The following NLRP2 variants were observed in gnomAD, a reference collection of about 807,000 sequenced individuals.
NLRP2 encodes the protein NACHT, LRR and PYD domains-containing protein 2.
A neutral mutation model predicts 97.2 loss-of-function variants in NLRP2; 107 were observed. That is an observed-to-expected ratio of 1.10 (90% CI 0.94 to 1.29). NLRP2 has a LOEUF of 1.29. NLRP2 is among the 50% of genes most tolerant of loss of function. The pLI, the probability that NLRP2 is intolerant of heterozygous loss-of-function variation, is 0.00. For missense variants in NLRP2, 1,495 were observed against 1,330.3 expected (o/e 1.12, Z -1.93); for synonymous variants, 663 against 551.5 (o/e 1.20, Z -2.83).
chr19:54,996,507 T>C (rs2072832714), intron 11 of NLRP2, among the ~76,000 whole-genome samples: 1 of 152,094 alleles, frequency 6.6e-6, no homozygotes, highest in Non-Finnish European at 1.5e-5. Context: ...TCTCAAAGAA[T>C]AACTTCAAAG....
chr19:54,982,202 C>T lies in NLRP2; in HGVS notation c.504C>T (p.Phe168=). Residue 168 remains phenylalanine (F), a synonymous_variant, in exon 6 of 13, where the codon TTC becomes TTT. Transcript: ENST00000448584. ...NRCRYILKTK[F]REMWKSWPGD... is the part of the protein sequence containing the mutation. ...GCAGGTATATATTGAAGACGAAGTTCCGGGAGATGTGGAAGAGCTGGCCTG... is the reference window on the plus strand; with the variant it reads ...GCAGGTATATATTGAAGACGAAGTTTCGGGAGATGTGGAAGAGCTGGCCTG... 1 of 1,614,086 alleles carries T rather than the reference C, an allele frequency of 6.2e-7. No homozygotes were observed. Among genetic ancestry groups the T allele is most frequent in the South Asian group, 1.1e-5 (1 of 91,086 alleles).
In NLRP2 at chr19:54,981,606, G is replaced by T; in HGVS notation, c.398-11G>T. The T allele has an allele frequency of 6.9e-7, 1 of 1,445,150 alleles. No individual in the cohort carries two copies. Among genetic ancestry groups the T allele is most frequent in the Non-Finnish European group, 9.4e-7 (1 of 1,061,228 alleles). The allele number at this position is 1,445,150 out of a possible 1,614,324, so 89.5% of individuals were successfully genotyped here. ...TTTTGTGTCAATCTCACATGAGTTTGTATTTTGTAGCGTTTACAGAAACGA... is the reference window on the plus strand; with the variant it reads ...TTTTGTGTCAATCTCACATGAGTTTTTATTTTGTAGCGTTTACAGAAACGA... On this transcript the variant is annotated splice_polypyrimidine_tract_variant and intron_variant, in intron 4 of 12. Coordinates refer to ENST00000448584, the MANE Select transcript of NLRP2 (RefSeq NM_017852.5).
At chr19:54,994,206 G>GTGC (rs1308917769) in intron 10 of NLRP2, 63 bp from the exon 11 acceptor site, 2 of 1,549,480 alleles carry the variant, frequency 1.3e-6, no homozygotes, top group African/African-American at 2.7e-5. Flanking sequence ...AGAGTCAAAG[G>GTGC]TGCATCACAG....
intron 11 of NLRP2, among the ~76,000 whole-genome samples, chr19:54,996,293 G>C (rs575063687): frequency 5.3e-5 from 8 of 152,122 alleles, no homozygotes; most frequent in Admixed American, 1.3e-4. Context: ...CTAAGGTCAG[G>C]AGTTCGTAGA....
In NLRP2 at chr19:54,990,614, G is replaced by A; in HGVS notation, c.2650G>A (p.Gly884Arg). The A allele has an allele frequency of 6.2e-7, 1 of 1,614,190 alleles. No individual in the cohort carries two copies. The highest frequency in any genetic ancestry group is 8.5e-7 in the Non-Finnish European group (1 of 1,180,050). Residue 884 changes from glycine to arginine, a missense_variant, in exon 10 of 13, where the codon GGG becomes AGG. Gly to Arg is a moderately radical substitution (Grantham distance 125, BLOSUM62 -2). Coordinates refer to ENST00000448584, the MANE Select transcript of NLRP2 (RefSeq NM_017852.5). ...CLAKNPIGNTGVKFLCEGLRY... is the reference protein window; with the variant it reads ...CLAKNPIGNTRVKFLCEGLRY... The stretch of plus-strand genomic sequence containing the variant: ...GGCCAAGAACCCCATTGGGAATACA[G>A]GGGTGAAGTTTCTGTGTGAGGGCTT...
At chr19:54,999,498 C>T (rs966514866) in intron 12 of NLRP2, among the ~76,000 whole-genome samples, 1 of 152,072 alleles carries the variant, frequency 6.6e-6, no homozygotes, top group Admixed American at 6.6e-5. Flanking sequence ...TAGAAGTTGC[C>T]AAAGTGGGTG....
At chr19:54,976,003 C>A (rs1476151766) in intron 3 of NLRP2, among the ~76,000 whole-genome samples, 1 of 152,070 alleles carries the variant, frequency 6.6e-6, no homozygotes, top group Non-Finnish European at 1.5e-5. Flanking sequence ...CCCACCTTGG[C>A]CTCCCAAAGT....
Position 54,982,920 on chromosome 19 carries a change from C to T in NLRP2, c.1222C>T (p.Leu408=). The change falls in exon 6 of 13, where the codon CTG becomes TTG. Residue 408 remains leucine (L), a synonymous_variant. Transcript: ENST00000448584. ...PAVCWIVCTT[L]KLQMEKGEDP... ...GGTGTGCTGGATCGTGTGCACGACT[C>T]TGAAGCTGCAGATGGAGAAGGGGGA... 2 of 1,613,118 alleles carry T rather than the reference C, an allele frequency of 1.2e-6. No homozygotes were observed. The highest frequency in any genetic ancestry group is 1.7e-6 in the Non-Finnish European group (2 of 1,180,038).
At chr19:54,993,915 T>A in intron 10 of NLRP2, 1 of 366,562 alleles carries the variant, frequency 2.7e-6, no homozygotes, top group African/African-American at 2.1e-5. Context: ...CAGAGCATCT[T>A]CAAACGTTGC....
At chr19:54,967,269 G>A (rs2070511724) in intron 1 of NLRP2, among the ~76,000 whole-genome samples, 1 of 152,030 alleles carries the variant, frequency 6.6e-6, no homozygotes, top group South Asian at 2.1e-4. Flanking sequence ...GATCACCTGA[G>A]GTCGGGAGTT....
chr19:54,977,941 A>C (rs2071350567), intron 4 of NLRP2, 118 bp downstream of exon 4: 7 of 929,272 alleles, frequency 7.5e-6, no homozygotes, highest in Non-Finnish European at 1.2e-5. Flanking sequence ...ACTATTCTTA[A>C]TGTGCCCACT....
intron 7 of NLRP2, 132 bp from the exon 8 acceptor site, chr19:54,986,019 G>T: frequency 1.4e-6 from 1 of 725,480 alleles, no homozygotes; most frequent in Non-Finnish European, 2.4e-6. Flanking sequence ...AAAAAAATCT[G>T]TAAAGATGGA....
In NLRP2 at chr19:54,990,453, G is replaced by C. The variant is rs185366492; in HGVS notation, c.2538-49G>C. On this transcript the variant is annotated intron_variant, in intron 9 of 12. Transcript: ENST00000448584. ...GGCACTTGTGGAGCTAGCCGGGAAG[G>C]TTGAAGTTGGACCTGTCAACCGTGT... is the stretch of plus-strand genomic sequence containing the variant. The C allele has an allele frequency of 3.3e-3, 5,341 of 1,599,072 alleles. 13 individuals carry two copies. Among genetic ancestry groups the C allele is most frequent in the Non-Finnish European group, 3.8e-3 (4,418 of 1,166,056 alleles).
In NLRP2 at chr19:54,970,113, T is replaced by C; in HGVS notation, c.98T>C (p.Phe33Ser). The part of the protein sequence containing the change: ...LSKFKYLITT[F>S]SLAHELQKIP... ...AAGTTCAAGTATCTGATCACGACCT[T>C]CTCCCTGGCACACGAGCTCCAGAAG... Residue 33 changes from phenylalanine to serine, a missense_variant, in exon 2 of 13, where the codon TTC becomes TCC. Transcript: ENST00000448584. The C allele has an allele frequency of 6.2e-7, 1 of 1,613,910 alleles. No homozygotes were observed. The highest frequency in any genetic ancestry group is 8.5e-7 in the Non-Finnish European group (1 of 1,179,982).
chr19:54,977,777 T>C lies in NLRP2; in HGVS notation c.351T>C (p.Pro117=), dbSNP rs143234897. The change falls in exon 4 of 13, where the codon CCT becomes CCC. Residue 117 remains proline, a synonymous_variant. Coordinates refer to ENST00000448584, the MANE Select transcript of NLRP2 (RefSeq NM_017852.5). ...GGATAACACGGAAAGAACGACCACC[T>C]CTAGACGTGGACGAAATGCTGGAGC... ...SLGITRKERP[P]LDVDEMLERF... is the part of the protein sequence containing the mutation. 1 of 1,613,740 alleles carries C rather than the reference T, an allele frequency of 6.2e-7. No individual in the cohort carries two copies. The highest frequency in any genetic ancestry group is 8.5e-7 in the Non-Finnish European group (1 of 1,180,000).
intron 12 of NLRP2, among the ~76,000 whole-genome samples, 190 bp from the exon 13 acceptor site, chr19:55,000,570 C>T (rs1169180977): frequency 1.3e-5 from 2 of 149,316 alleles, no homozygotes; most frequent in Admixed American, 6.7e-5. Flanking sequence ...TGAGCCATCA[C>T]GCCCCACCTG....
chr19:54,972,034 G>A (rs2070892346), intron 2 of NLRP2, among the ~76,000 whole-genome samples: 1 of 147,912 alleles, frequency 6.8e-6, no homozygotes, highest in African/African-American at 2.5e-5. Flanking sequence ...AATAGAGATG[G>A]GGTTTCACCA....
At chr19:54,978,666 G>A (rs1216385027) in intron 4 of NLRP2, among the ~76,000 whole-genome samples, 10 of 151,722 alleles carry the variant, frequency 6.6e-5, no homozygotes, top group African/African-American at 2.4e-4. Flanking sequence ...TGGCCAACAT[G>A]GTGAAACCCA....
At chr19:54,996,720 A>G (rs1192422502) in intron 11 of NLRP2, among the ~76,000 whole-genome samples, 1 of 150,056 alleles carries the variant, frequency 6.7e-6, no homozygotes, top group African/African-American at 2.5e-5. Flanking sequence ...ATGTATCTTC[A>G]GGGCCTCTGC....
Sources: gnomAD v4.1 joint callset for allele counts (sites outside exome capture counted in the v4.1 genomes callset) on GRCh38, gnomAD v4.1.1 for gene constraint, MANE v1.5 for transcripts, NCBI Gene and HGNC (gene_info 2026-07-23, HGNC 2026-07-21) for gene names.